Variants in NHERF2 observed in about 807,000 individuals in gnomAD.
The protein encoded by NHERF2 is NHERF family PDZ scaffold protein 2.
At chr16:2,037,520 C>T in the NHERF2 span, 2 of 1,605,028 alleles carry the variant, frequency 1.2e-6, no homozygotes, top group Non-Finnish European at 1.7e-6. Context: ...AAACCACAAT[C>T]TGCCCTTGGT....
chr16:2,033,150 C>G, the NHERF2 span: 1 of 1,415,622 alleles, frequency 7.1e-7, no homozygotes, highest in East Asian at 2.6e-5. Flanking sequence ...GGGTGGGGGG[C>G]GCCAGGCTGG....
the NHERF2 span, among the ~76,000 whole-genome samples, chr16:2,034,377 C>T: frequency 4.8e-5 from 5 of 104,544 alleles, no homozygotes; most frequent in East Asian, 8.8e-4. Context: ...CCTGTCCCCA[C>T]GCCTTCCCTC....
At chr16:2,034,296 T>C in the NHERF2 span, among the ~76,000 whole-genome samples, 1 of 151,944 alleles carries the variant, frequency 6.6e-6, no homozygotes. Flanking sequence ...ATTGGGCTCC[T>C]GTCCCCACGC....
At chr16:2,037,463 T>A in the NHERF2 span, 5 of 1,319,232 alleles carry the variant, frequency 3.8e-6, no homozygotes, top group Non-Finnish European at 5.3e-6. Context: ...GGGGGGGGTG[T>A]GCCTCTGTGC....
the NHERF2 span, chr16:2,037,140 CCT>C: frequency 1.9e-6 from 2 of 1,060,242 alleles, no homozygotes; most frequent in South Asian, 3.0e-5. Context: ...CTTTAATGCC[CCT>C]GTGGGTCTCA....
the NHERF2 span, chr16:2,027,179 G>A: frequency 6.9e-7 from 1 of 1,457,618 alleles, no homozygotes; most frequent in Non-Finnish European, 9.0e-7. Context: ...GCCTGGTCGA[G>A]GTCAACGGCG....
At chr16:2,036,275 G>A in the NHERF2 span, 4 of 1,534,562 alleles carry the variant, frequency 2.6e-6, no homozygotes, top group South Asian at 4.9e-5. Context: ...GTGGCCTCTG[G>A]AGGCGGGAGG....
chr16:2,033,219 C>T, the NHERF2 span: 25 of 1,494,976 alleles, frequency 1.7e-5, no homozygotes, highest in Non-Finnish European at 2.0e-5. Flanking sequence ...ACTCAGCCCC[C>T]ACGTCCCCAC....
At chr16:2,027,803 G>C in the NHERF2 span, among the ~76,000 whole-genome samples, 1 of 152,184 alleles carries the variant, frequency 6.6e-6, no homozygotes, top group Non-Finnish European at 1.5e-5. Flanking sequence ...TGCACGCCTG[G>C]CTAGTGTACT....
the NHERF2 span, chr16:2,027,130 G>T: frequency 2.7e-6 from 4 of 1,472,176 alleles, no homozygotes; most frequent in Non-Finnish European, 3.6e-6. Context: ...GTGGAACCCG[G>T]TTCCCCCGCC....
At chr16:2,034,305 G>A in the NHERF2 span, among the ~76,000 whole-genome samples, 4 of 151,772 alleles carry the variant, frequency 2.6e-5, no homozygotes, top group African/African-American at 7.3e-5. Flanking sequence ...CTGTCCCCAC[G>A]CCTTCCCTGC....
the NHERF2 span, chr16:2,037,795 C>G: frequency 6.4e-7 from 1 of 1,561,822 alleles, no homozygotes; most frequent in Non-Finnish European, 8.7e-7. Flanking sequence ...AGGGCTCACT[C>G]CAGACACCCC....
the NHERF2 span, chr16:2,036,815 G>A: frequency 3.5e-5 from 56 of 1,613,170 alleles, no homozygotes; most frequent in East Asian, 2.7e-4. Context: ...GCTGCTGGTC[G>A]TGGACCCCGA....
chr16:2,036,494 G>C, the NHERF2 span: 4 of 1,588,084 alleles, frequency 2.5e-6, no homozygotes, highest in South Asian at 4.6e-5. Context: ...CCCAGGACCG[G>C]CTCATTGAGG....
the NHERF2 span, chr16:2,036,572 T>G: frequency 2.1e-5 from 32 of 1,525,126 alleles, no homozygotes; most frequent in Non-Finnish European, 2.7e-5. Flanking sequence ...CCTGGGTCCT[T>G]GCAGGGAGGA....
the NHERF2 span, chr16:2,029,480 G>A: frequency 8.8e-7 from 1 of 1,137,840 alleles, no homozygotes; most frequent in Non-Finnish European, 1.3e-6. Flanking sequence ...ATGCAGACCA[G>A]CCGCCTGTCC....
At chr16:2,037,487 T>C in the NHERF2 span, 1 of 1,488,238 alleles carries the variant, frequency 6.7e-7, no homozygotes, top group Non-Finnish European at 9.3e-7. Flanking sequence ...TGTGTGCGTG[T>C]GCAGGTGTTG....
At chr16:2,038,672 T>G in the NHERF2 span, 1 of 255,536 alleles carries the variant, frequency 3.9e-6, no homozygotes, top group Non-Finnish European at 7.5e-6. Context: ...GGCCACACCC[T>G]GCTCCCCACC....
chr16:2,033,174 G>A, the NHERF2 span: 1 of 1,431,716 alleles, frequency 7.0e-7, no homozygotes. Flanking sequence ...CTTCGCAGGG[G>A]AGCGGGCTCA....
Sources: gnomAD v4.1 joint callset for allele counts (sites outside exome capture counted in the v4.1 genomes callset) on GRCh38, gnomAD v4.1.1 for gene constraint, MANE v1.5 for transcripts, NCBI Gene and HGNC (gene_info 2026-07-23, HGNC 2026-07-21) for gene names.